The following RUNDC3B variants were observed in gnomAD, a reference collection of about 807,000 sequenced individuals.
The protein encoded by RUNDC3B is RUN domain-containing protein 3B.
A neutral mutation model predicts 58.4 loss-of-function variants in RUNDC3B; 33 were observed. The observed-to-expected ratio is 0.56, with a 90% CI of 0.43 to 0.75. RUNDC3B has a LOEUF of 0.75. RUNDC3B is among the 30% of genes least tolerant of loss of function. The probability of loss-of-function intolerance (pLI) is 0.00; values close to 1 mark genes in which losing one functional copy is unlikely to be tolerated. For synonymous variants in RUNDC3B, 193 were observed against 195.2 expected (o/e 0.99, Z 0.10); for missense variants, 501 against 535.7 (o/e 0.94, Z 0.64).
intron 2 of RUNDC3B, among the ~76,000 whole-genome samples, chr7:87,667,626 A>G (rs1237225438): frequency 6.6e-6 from 1 of 152,130 alleles, no homozygotes; most frequent in Non-Finnish European, 1.5e-5. Flanking sequence ...TGGGTTTGTC[A>G]TAGATGGCTC....
At chr7:87,778,162 G>C (rs1389224538) in intron 8 of RUNDC3B, among the ~76,000 whole-genome samples, 2 of 152,054 alleles carry the variant, frequency 1.3e-5, no homozygotes, top group Non-Finnish European at 1.5e-5. Context: ...ACAAGAAGAG[G>C]CCTGGTGCAG....
intron 2 of RUNDC3B, among the ~76,000 whole-genome samples, chr7:87,658,593 A>G (rs1824362914): frequency 6.6e-6 from 1 of 152,252 alleles, no homozygotes; most frequent in Non-Finnish European, 1.5e-5. Flanking sequence ...CACGATAATT[A>G]AACCAATAAA....
At chr7:87,792,408 A>T (rs1354079503) in intron 8 of RUNDC3B, among the ~76,000 whole-genome samples, 2 of 152,138 alleles carry the variant, frequency 1.3e-5, no homozygotes, top group Non-Finnish European at 2.9e-5. Context: ...GCTAGAGAAT[A>T]CATGTTCTTT....
chr7:87,747,305 C>T (rs1404440649), intron 6 of RUNDC3B, among the ~76,000 whole-genome samples: 2 of 152,032 alleles, frequency 1.3e-5, no homozygotes, highest in Non-Finnish European at 2.9e-5. Flanking sequence ...GGGGTGTGTG[C>T]ACAGAGTCCT....
intron 8 of RUNDC3B, among the ~76,000 whole-genome samples, chr7:87,789,191 C>T (rs1835395916): frequency 6.6e-6 from 1 of 152,138 alleles, no homozygotes; most frequent in African/African-American, 2.4e-5. Context: ...ATATTTAACA[C>T]CAATAATTGT....
chr7:87,685,681 G>C (rs1827388987), intron 2 of RUNDC3B, among the ~76,000 whole-genome samples: 1 of 152,066 alleles, frequency 6.6e-6, no homozygotes, highest in African/African-American at 2.4e-5. Flanking sequence ...AAGGTTGCAG[G>C]GTGGGGGTTG....
chr7:87,670,557 T>A (rs533428720), intron 2 of RUNDC3B, among the ~76,000 whole-genome samples: 6 of 152,364 alleles, frequency 3.9e-5, no homozygotes, highest in African/African-American at 1.4e-4. Context: ...TCTGAACATT[T>A]GAGTTACTGG....
At chr7:87,672,176 C>G (rs977672803) in intron 2 of RUNDC3B, among the ~76,000 whole-genome samples, 6 of 152,196 alleles carry the variant, frequency 3.9e-5, no homozygotes, top group South Asian at 2.1e-4. Flanking sequence ...CTGGAGAACA[C>G]AGGCAGGGAT....
At chr7:87,714,019 CTT>C (rs1830322282) in intron 4 of RUNDC3B, among the ~76,000 whole-genome samples, 3 of 152,146 alleles carry the variant, frequency 2.0e-5, no homozygotes, top group Middle Eastern at 3.4e-3. Context: ...TAAAATAAAA[CTT>C]TGTAAATGAC....
chr7:87,694,951 A>G (rs2130664393), intron 2 of RUNDC3B, among the ~76,000 whole-genome samples: 1 of 152,292 alleles, frequency 6.6e-6, no homozygotes, highest in Middle Eastern at 3.4e-3. Flanking sequence ...GTTTGTGATA[A>G]ATTCCTTACT....
At chr7:87,713,225 A>C (rs1172714649) in intron 4 of RUNDC3B, 1 of 152,202 alleles carries the variant, frequency 6.6e-6, no homozygotes, top group Non-Finnish European at 1.5e-5. Context: ...TCTAATCTTT[A>C]GGAATCTGGA....
intron 3 of RUNDC3B, among the ~76,000 whole-genome samples, chr7:87,707,641 T>A (rs1175374875): frequency 6.6e-6 from 1 of 151,902 alleles, no homozygotes; most frequent in Non-Finnish European, 1.5e-5. Flanking sequence ...ACCACTGCAC[T>A]CCAGCCTGGG....
intron 2 of RUNDC3B, among the ~76,000 whole-genome samples, chr7:87,686,768 C>T (rs1302019797): frequency 1.3e-5 from 2 of 148,796 alleles, no homozygotes; most frequent in Admixed American, 6.7e-5. Context: ...GGTGAAACCC[C>T]GCCTCTAGAA....
intron 6 of RUNDC3B, among the ~76,000 whole-genome samples, chr7:87,765,085 A>G (rs1333130977): frequency 6.6e-6 from 1 of 151,888 alleles, no homozygotes; most frequent in African/African-American, 2.4e-5. Flanking sequence ...TTGTGCACAT[A>G]AAGAGGCTCA....
At chr7:87,736,855 CTATATA>C (rs1554479935) in intron 4 of RUNDC3B, among the ~76,000 whole-genome samples, 437 of 36,182 alleles carry the variant, frequency 0.012, 19 homozygotes, top group African/African-American at 0.025. Flanking sequence ...ATATATATAC[CTATATA>C]TATATATATA....
chr7:87,755,879 G>C (rs1184391383), intron 6 of RUNDC3B, among the ~76,000 whole-genome samples: 2 of 152,088 alleles, frequency 1.3e-5, no homozygotes, highest in Non-Finnish European at 2.9e-5. Flanking sequence ...AGAGCAATCA[G>C]GCAAGAGAAA....
At chr7:87,644,392 T>C (rs1822771912) in intron 1 of RUNDC3B, among the ~76,000 whole-genome samples, 1 of 152,244 alleles carries the variant, frequency 6.6e-6, no homozygotes, top group Admixed American at 6.5e-5. Flanking sequence ...CACCCCTGTG[T>C]TAGAGACTAC....
chr7:87,831,699 T>A lies in RUNDC3B; in HGVS notation c.*1669T>A, dbSNP rs569288432. 3 of 151,820 alleles carry A rather than the reference T, an allele frequency of 2.0e-5. No homozygotes were observed. Among genetic ancestry groups the A allele is most frequent in the Non-Finnish European group, 4.4e-5 (3 of 67,830 alleles). The allele number at this position is 151,820 out of a possible 1,614,324, so 9.4% of individuals were successfully genotyped here. On this transcript the variant is annotated 3_prime_UTR_variant, in exon 11 of 11. Coordinates refer to ENST00000394654, the MANE Select transcript of RUNDC3B (RefSeq NM_001134405.2). ...TGGGGGATGGAAGGTAGGTATAATATGAGGACAATGGAAACTTTGGGAGAA... is the reference window on the plus strand; with the variant it reads ...TGGGGGATGGAAGGTAGGTATAATAAGAGGACAATGGAAACTTTGGGAGAA...
chr7:87,800,913 G>C (rs1836112365), intron 8 of RUNDC3B, among the ~76,000 whole-genome samples: 1 of 152,046 alleles, frequency 6.6e-6, no homozygotes, highest in Non-Finnish European at 1.5e-5. Flanking sequence ...TGAGATTACA[G>C]GTGTGAGCCA....
Sources: gnomAD v4.1 joint callset for allele counts (sites outside exome capture counted in the v4.1 genomes callset) on GRCh38, gnomAD v4.1.1 for gene constraint, MANE v1.5 for transcripts, NCBI Gene and HGNC (gene_info 2026-07-23, HGNC 2026-07-21) for gene names.